Variants in OR10V1 observed in about 807,000 individuals in gnomAD.
OR10V1 encodes olfactory receptor family 10 subfamily V member 1.
For missense variants in OR10V1, 391 were observed against 378.8 expected (o/e 1.03, Z -0.27); for synonymous variants, 139 against 148.2 (o/e 0.94, Z 0.45).
In OR10V1 at chr11:59,713,443, G is replaced by A. The variant is rs1324605411; in HGVS notation, c.403C>T (p.Leu135Phe). Reference sequence around the variant, plus strand: ...ACACACAAGGACCAGCTCATGATGAGCCTGTATCGCAGAGGGTGACAGATC... The same window carrying A: ...ACACACAAGGACCAGCTCATGATGAACCTGTATCGCAGAGGGTGACAGATC... ...IAICHPLRYR[L>F]IMSWSLCVEL... Residue 135 changes from leucine to phenylalanine, a missense_variant, in exon 1 of 1, where the codon CTC becomes TTC. By Grantham distance (22) the Leu-to-Phe change is conservative. Coordinates refer to ENST00000307552, the MANE Select transcript of OR10V1 (RefSeq NM_001005324.1). 3 of 1,613,558 alleles carry A rather than the reference G, an allele frequency of 1.9e-6. No individual in the cohort carries two copies. Among genetic ancestry groups the A allele is most frequent in the East Asian group, 2.2e-5 (1 of 44,870 alleles).
chr11:59,713,431 AG>A lies in OR10V1; in HGVS notation c.414del (p.Trp139GlyfsTer9). ...CHPLRYRLIM[S>X]WSLCVELLVG... The stretch of plus-strand genomic sequence containing the variant: ...ACCAGCAGCTCCACACACAAGGACC[AG>A]CTCATGATGAGCCTGTATCGCAGAG... On this transcript the variant is annotated frameshift_variant, in exon 1 of 1. Transcript: ENST00000307552. LOFTEE classifies it low-confidence loss of function (END_TRUNC). 1 of 1,613,840 alleles carries A rather than the reference AG, an allele frequency of 6.2e-7. No individual in the cohort carries two copies. Among genetic ancestry groups the A allele is most frequent in the Non-Finnish European group, 8.5e-7 (1 of 1,179,896 alleles).
chr11:59,713,366 G>A lies in OR10V1; in HGVS notation c.480C>T (p.Leu160=), dbSNP rs750168663. The A allele has an allele frequency of 2.2e-5, 35 of 1,613,856 alleles. No individual in the cohort carries two copies. The East Asian group carries it at 7.8e-4, about 36-fold the overall frequency. ...LVLGFLLSLP[L]TILIFHLPFC... The stretch of plus-strand genomic sequence containing the variant: ...ATGGGAGATGGAAGATTAAAATGGT[G>A]AGTGGCAGTGACAACAGGAACCCCA... The change falls in exon 1 of 1, where the codon CTC becomes CTT. Residue 160 remains leucine, a synonymous_variant. Coordinates refer to ENST00000307552, the MANE Select transcript of OR10V1 (RefSeq NM_001005324.1).
In OR10V1 at chr11:59,713,608, A is replaced by T. The variant is rs371637923; in HGVS notation, c.238T>A (p.Leu80Met). Residue 80 changes from leucine to methionine, a missense_variant, in exon 1 of 1, where the codon TTG (leucine) becomes ATG (methionine). Transcript: ENST00000307552. ...EIFYTSSITP[L>M]ALANLLSMGK... ...ATTGAAAGGAGGTTTGCCAAGGCCA[A>T]TGGGGTGATGGAAGATGTATAGAAG... 1.9e-6 allele frequency: 3 copies of T among 1,614,176 alleles called. No individual in the cohort carries two copies.
Position 59,713,075 on chromosome 11 carries a change from G to T in OR10V1, c.771C>A (p.Ser257Arg). 1.1e-5 allele frequency: 17 copies of T among 1,614,150 alleles called. No individual in the cohort carries two copies. The highest frequency in any genetic ancestry group is 1.4e-5 in the Non-Finnish European group (16 of 1,180,012). Residue 257 changes from serine (S) to arginine (R), a missense_variant, in exon 1 of 1, where the codon AGC becomes AGA. Ser to Arg is a moderately radical substitution (Grantham distance 110). Transcript: ENST00000307552. ...TGGAACTGGGGGACAAGTATATAAA[G>T]CTGGTGCAGCCATACTGCAGGAGGA... The part of the protein sequence containing the change: ...LVVLLQYGCT[S>R]FIYLSPSSSY...
chr11:59,713,449 A>G lies in OR10V1; in HGVS notation c.397T>C (p.Tyr133His), dbSNP rs757680013. Residue 133 changes from tyrosine to histidine, a missense_variant, in exon 1 of 1, where the codon TAC becomes CAC. Transcript: ENST00000307552. ...AAGGACCAGCTCATGATGAGCCTGT[A>G]TCGCAGAGGGTGACAGATCGCTATA... ...QFIAICHPLR[Y>H]RLIMSWSLCV... 1 of 1,613,660 alleles carries G rather than the reference A, an allele frequency of 6.2e-7. No individual in the cohort carries two copies. The highest frequency in any genetic ancestry group is 8.5e-7 in the Non-Finnish European group (1 of 1,179,786).
chr11:59,713,669 C>T lies in OR10V1; in HGVS notation c.177G>A (p.Met59Ile). The change falls in exon 1 of 1, where the codon ATG (methionine) becomes ATA (isoleucine). Residue 59 changes from methionine (M) to isoleucine (I), a missense_variant. By Grantham distance (10) the Met-to-Ile change is conservative. Transcript: ENST00000307552. The part of the protein sequence containing the change: ...VQINHSLHTP[M>I]YFFLANLAVL... Reference sequence around the variant, plus strand: ...CTGCCAGATTAGCCAGGAAAAAGTACATGGGGGTGTGGAGGGAATGATTGA... The same window carrying T: ...CTGCCAGATTAGCCAGGAAAAAGTATATGGGGGTGTGGAGGGAATGATTGA... 10 of 1,614,022 alleles carry T rather than the reference C, an allele frequency of 6.2e-6. No homozygotes were observed. Among genetic ancestry groups the T allele is most frequent in the Non-Finnish European group, 8.5e-6 (10 of 1,179,980 alleles).
rs182278116 is a variant in OR10V1 at position 59,712,951 on chromosome 11, T to G, written c.895A>C (p.Lys299Gln). 3.1e-5 allele frequency: 50 copies of G among 1,613,894 alleles called. No homozygotes were observed. The highest frequency in any genetic ancestry group is 1.7e-4 in the Admixed American group (10 of 59,990). Reference protein sequence around the residue: ...LIYSLRNKELKDALRKALRKF With the variant: ...LIYSLRNKELQDALRKALRKF ...CTCAATGCTTTCCTTAGGGCATCTTTCAGTTCCTTGTTCCTCAAACTATAG... is the reference window on the plus strand; with the variant it reads ...CTCAATGCTTTCCTTAGGGCATCTTGCAGTTCCTTGTTCCTCAAACTATAG... Residue 299 changes from lysine to glutamine, a missense_variant, in exon 1 of 1, where the codon AAA (lysine) becomes CAA (glutamine). Lys to Gln is a moderately conservative substitution (Grantham distance 53). Transcript: ENST00000307552.
rs1375485339 is a variant in OR10V1 at position 59,713,419 on chromosome 11, C to G, written c.427G>C (p.Val143Leu). Reference sequence around the variant, plus strand: ...ACCAAGGAGCCTACCAGCAGCTCCACACACAAGGACCAGCTCATGATGAGC... The same window carrying G: ...ACCAAGGAGCCTACCAGCAGCTCCAGACACAAGGACCAGCTCATGATGAGC... ...YRLIMSWSLCVELLVGSLVLG... is the reference protein window; with the variant it reads ...YRLIMSWSLCLELLVGSLVLG... The change falls in exon 1 of 1, where the codon GTG becomes CTG. Residue 143 changes from valine to leucine, a missense_variant. Val to Leu is a conservative substitution (Grantham distance 32). Coordinates refer to ENST00000307552, the MANE Select transcript of OR10V1 (RefSeq NM_001005324.1). 1 of 1,613,870 alleles carries G rather than the reference C, an allele frequency of 6.2e-7. No homozygotes were observed. The highest frequency in any genetic ancestry group is 8.5e-7 in the Non-Finnish European group (1 of 1,179,928).
chr11:59,713,451 C>T lies in OR10V1; in HGVS notation c.395G>A (p.Arg132Gln), dbSNP rs779073755. The T allele has an allele frequency of 1.1e-5, 17 of 1,613,420 alleles. No homozygotes were observed. Among genetic ancestry groups the T allele is most frequent in the Admixed American group, 6.7e-5 (4 of 59,834 alleles). Residue 132 changes from arginine to glutamine, a missense_variant, in exon 1 of 1, where the codon CGA becomes CAA. Physicochemically the swap from Arg to Gln is conservative, Grantham distance 43. Transcript: ENST00000307552. ...GGACCAGCTCATGATGAGCCTGTATCGCAGAGGGTGACAGATCGCTATAAA... is the reference window on the plus strand; with the variant it reads ...GGACCAGCTCATGATGAGCCTGTATTGCAGAGGGTGACAGATCGCTATAAA... ...DQFIAICHPL[R>Q]YRLIMSWSLC... is the part of the protein sequence containing the mutation.
Position 59,713,763 on chromosome 11 carries a change from A to T in OR10V1, c.83T>A (p.Phe28Tyr). 4 of 1,614,190 alleles carry T rather than the reference A, an allele frequency of 2.5e-6. No individual in the cohort carries two copies. The highest frequency in any genetic ancestry group is 3.4e-6 in the Non-Finnish European group (4 of 1,180,010). Residue 28 changes from phenylalanine (F) to tyrosine (Y), a missense_variant, in exon 1 of 1, where the codon TTT becomes TAT. By Grantham distance (22) the Phe-to-Tyr change is conservative (BLOSUM62 3). Transcript: ENST00000307552. ...CAGATACATCATCAGGAAGACCACA[A>T]AAATCAGCATCTGGACCTCAGGGTC... ...SPDPEVQMLI[F>Y]VVFLMMYLTS...
chr11:59,713,008 T>A lies in OR10V1; in HGVS notation c.838A>T (p.Thr280Ser). 1 of 1,614,090 alleles carries A rather than the reference T, an allele frequency of 6.2e-7. No homozygotes were observed. The highest frequency in any genetic ancestry group is 8.5e-7 in the Non-Finnish European group (1 of 1,179,936). Reference sequence around the variant, plus strand: ...GGGTTTAAAATGGGAGTGATAAATGTGTAGGCCACAGATACCACCCGGCCC... The same window carrying A: ...GGGTTTAAAATGGGAGTGATAAATGAGTAGGCCACAGATACCACCCGGCCC... ...EMGRVVSVAY[T>S]FITPILNPLI... The change falls in exon 1 of 1, where the codon ACA becomes TCA. Residue 280 changes from threonine to serine, a missense_variant. Transcript: ENST00000307552.
Position 59,713,814 on chromosome 11 carries a change from T to C in OR10V1, c.32A>G (p.Gln11Arg). Residue 11 changes from glutamine to arginine, a missense_variant, in exon 1 of 1, where the codon CAG (glutamine) becomes CGG (arginine). By Grantham distance (43) the Gln-to-Arg change is conservative. Transcript: ENST00000307552. ...AGGTGAGAATGGACGAAAGAAAAAC[T>C]GCATCTTTGCAGTTTTATTTATTCC... MEGINKTAKM[Q>R]FFFRPFSPDP... 2 of 1,612,954 alleles carry C rather than the reference T, an allele frequency of 1.2e-6. No homozygotes were observed. Among genetic ancestry groups the C allele is most frequent in the South Asian group, 2.2e-5 (2 of 91,012 alleles).
Position 59,713,124 on chromosome 11 carries a change from G to A in OR10V1, c.722C>T (p.Thr241Ile). 6.2e-7 allele frequency: 1 copy of A among 1,614,100 alleles called. No homozygotes were observed. Among genetic ancestry groups the A allele is most frequent in the Non-Finnish European group, 8.5e-7 (1 of 1,179,996 alleles). The part of the protein sequence containing the change: ...SAEGRQQAYS[T>I]CSSHILVVLL... ...GACCACTAAGATGTGAGAAGAGCAG[G>A]TAGAGTAGGCTTGCTGGCGCCCTTC... The change falls in exon 1 of 1, where the codon ACC becomes ATC. Residue 241 changes from threonine to isoleucine, a missense_variant. Coordinates refer to ENST00000307552, the MANE Select transcript of OR10V1 (RefSeq NM_001005324.1).
Position 59,712,926 on chromosome 11 carries a change from C to T in OR10V1, c.920G>A (p.Arg307Lys). ...ATAGGATCATCCTACCTAGAATTTT[C>T]TCAATGCTTTCCTTAGGGCATCTTT... ...ELKDALRKALRKF is the reference protein window; with the variant it reads ...ELKDALRKALKKF The change falls in exon 1 of 1, where the codon AGA (arginine) becomes AAA (lysine). Residue 307 changes from arginine to lysine, a missense_variant. By Grantham distance (26) the Arg-to-Lys change is conservative. Coordinates refer to ENST00000307552, the MANE Select transcript of OR10V1 (RefSeq NM_001005324.1). 6.2e-7 allele frequency: 1 copy of T among 1,609,724 alleles called. No homozygotes were observed. Among genetic ancestry groups the T allele is most frequent in the East Asian group, 2.2e-5 (1 of 44,866 alleles).
Position 59,713,164 on chromosome 11 carries a change from G to C in OR10V1, c.682C>G (p.Arg228Gly), listed in dbSNP as rs773542266. 6.2e-7 allele frequency: 1 copy of C among 1,614,068 alleles called. No homozygotes were observed. Among genetic ancestry groups the C allele is most frequent in the South Asian group, 1.1e-5 (1 of 91,080 alleles). ...TGGCGCCCTTCTGCTGACCGGATCC[G>C]TAAAATGGCTACCACGATGAAGACA... is the stretch of plus-strand genomic sequence containing the variant. ...SYVFIVVAIL[R>G]IRSAEGRQQA... Residue 228 changes from arginine (R) to glycine (G), a missense_variant, in exon 1 of 1, where the codon CGG becomes GGG. Coordinates refer to ENST00000307552, the MANE Select transcript of OR10V1 (RefSeq NM_001005324.1).
In OR10V1 at chr11:59,713,035, T is replaced by C; in HGVS notation, c.811A>G (p.Met271Val). 1 of 1,614,126 alleles carries C rather than the reference T, an allele frequency of 6.2e-7. No homozygotes were observed. Among genetic ancestry groups the C allele is most frequent in the Non-Finnish European group, 8.5e-7 (1 of 1,180,002 alleles). Residue 271 changes from methionine to valine, a missense_variant, in exon 1 of 1, where the codon ATG becomes GTG. Coordinates refer to ENST00000307552, the MANE Select transcript of OR10V1 (RefSeq NM_001005324.1). The part of the protein sequence containing the change: ...LSPSSSYSPE[M>V]GRVVSVAYTF... ...TAGGCCACAGATACCACCCGGCCCA[T>C]CTCAGGAGAGTAGCTGGAACTGGGG...
chr11:59,713,374 G>T lies in OR10V1; in HGVS notation c.472C>A (p.Leu158Met). 6.2e-7 allele frequency: 1 copy of T among 1,613,886 alleles called. No homozygotes were observed. Among genetic ancestry groups the T allele is most frequent in the Non-Finnish European group, 8.5e-7 (1 of 1,180,004 alleles). Residue 158 changes from leucine to methionine, a missense_variant, in exon 1 of 1, where the codon CTG (leucine) becomes ATG (methionine). By Grantham distance (15) the Leu-to-Met change is conservative. Transcript: ENST00000307552. ...TGGAAGATTAAAATGGTGAGTGGCA[G>T]TGACAACAGGAACCCCAGCACCAAG... ...GSLVLGFLLS[L>M]PLTILIFHLP... is the part of the protein sequence containing the mutation.
At position 59,713,348 on chromosome 11, in the gene OR10V1, A is replaced by T; in HGVS notation, c.498T>A (p.His166Gln). ...LSLPLTILIF[H>Q]LPFCHNDEIY... is the part of the protein sequence containing the mutation. ...TCTCATCATTGTGGCAGAATGGGAGATGGAAGATTAAAATGGTGAGTGGCA... is the reference window on the plus strand; with the variant it reads ...TCTCATCATTGTGGCAGAATGGGAGTTGGAAGATTAAAATGGTGAGTGGCA... Residue 166 changes from histidine (H) to glutamine (Q), a missense_variant, in exon 1 of 1, where the codon CAT becomes CAA. Transcript: ENST00000307552. 1 of 1,613,952 alleles carries T rather than the reference A, an allele frequency of 6.2e-7. No individual in the cohort carries two copies. Among genetic ancestry groups the T allele is most frequent in the Non-Finnish European group, 8.5e-7 (1 of 1,180,016 alleles).
Position 59,713,680 on chromosome 11 carries a change from G to A in OR10V1, c.166C>T (p.His56Tyr), listed in dbSNP as rs374169846. ...AVIVQINHSL[H>Y]TPMYFFLANL... Reference sequence around the variant, plus strand: ...GCCAGGAAAAAGTACATGGGGGTGTGGAGGGAATGATTGATCTGAACAATG... The same window carrying A: ...GCCAGGAAAAAGTACATGGGGGTGTAGAGGGAATGATTGATCTGAACAATG... The change falls in exon 1 of 1, where the codon CAC becomes TAC. Residue 56 changes from histidine to tyrosine, a missense_variant. Physicochemically the swap from His to Tyr is moderately conservative, Grantham distance 83. Transcript: ENST00000307552. 130 of 1,613,994 alleles carry A rather than the reference G, an allele frequency of 8.1e-5. No individual in the cohort carries two copies. Among genetic ancestry groups the A allele is most frequent in the Non-Finnish European group, 1.0e-4 (122 of 1,180,010 alleles).
Sources: allele counts gnomAD v4.1 joint callset, GRCh38; gene constraint gnomAD v4.1.1; transcripts MANE v1.5; gene names NCBI Gene and HGNC (gene_info 2026-07-23, HGNC 2026-07-21).